Variants in RNF130 observed in about 807,000 individuals in gnomAD.
RNF130 encodes the protein E3 ubiquitin-protein ligase RNF130.
Under a neutral mutation model 44.6 loss-of-function variants are expected in RNF130, and 21 were observed. That is an observed-to-expected ratio of 0.47 (90% confidence interval 0.33 to 0.68). RNF130 has a LOEUF of 0.68. RNF130 is among the 30% of genes least tolerant of loss of function. The pLI is 0.02. For synonymous variants in RNF130, 214 were observed against 210.4 expected (o/e 1.02, Z -0.15); for missense variants, 479 against 560.6 (o/e 0.85, Z 1.47).
intron 7 of RNF130, among the ~76,000 whole-genome samples, chr5:179,945,509 A>G (rs999367827): frequency 2.0e-5 from 3 of 152,162 alleles, no homozygotes; most frequent in East Asian, 3.8e-4. Context: ...CATGTTTCCA[A>G]TCCTCACAGT....
chr5:179,969,900 AG>A (rs1383602299), intron 6 of RNF130, among the ~76,000 whole-genome samples: 2 of 152,172 alleles, frequency 1.3e-5, no homozygotes, highest in Non-Finnish European at 2.9e-5. Flanking sequence ...CTGAGGCAGG[AG>A]AATCGCTTGA....
At chr5:180,065,261 T>A (rs1765074953) in intron 1 of RNF130, among the ~76,000 whole-genome samples, 2 of 152,252 alleles carry the variant, frequency 1.3e-5, no homozygotes, top group Non-Finnish European at 2.9e-5. Flanking sequence ...CAATAATTTT[T>A]AAGAGAAATG....
intron 5 of RNF130, 146 bp downstream of exon 5, chr5:179,978,057 C>A: frequency 1.5e-6 from 1 of 677,840 alleles, no homozygotes; most frequent in East Asian, 2.7e-5. Flanking sequence ...GGCCTCAGCC[C>A]CATGGCCAGC....
At chr5:179,922,917 GA>G (rs1308323405) in intron 7 of RNF130, among the ~76,000 whole-genome samples, 5 of 150,718 alleles carry the variant, frequency 3.3e-5, no homozygotes, top group Non-Finnish European at 7.4e-5. Flanking sequence ...CTGTGCTACA[GA>G]AAAAAAAATA....
intron 2 of RNF130, among the ~76,000 whole-genome samples, chr5:180,016,398 C>T (rs1763732884): frequency 6.6e-6 from 1 of 152,088 alleles, no homozygotes; most frequent in Non-Finnish European, 1.5e-5. Flanking sequence ...GAGGCAGTGA[C>T]TGAAAAGAGT....
At chr5:179,922,536 C>A (rs1761649643) in intron 7 of RNF130, among the ~76,000 whole-genome samples, 1 of 151,732 alleles carries the variant, frequency 6.6e-6, no homozygotes, top group Middle Eastern at 3.4e-3. Flanking sequence ...TGGTCTCGAA[C>A]TCCTGAGCTC....
At chr5:179,989,552 A>AT (rs755071465) in intron 3 of RNF130, among the ~76,000 whole-genome samples, 2 of 152,116 alleles carry the variant, frequency 1.3e-5, no homozygotes, top group Non-Finnish European at 2.9e-5. Context: ...TTTATCTGGC[A>AT]TAAGAATAGC....
At chr5:179,964,811 A>G (rs2162760) in intron 7 of RNF130, among the ~76,000 whole-genome samples, 10,077 of 152,294 alleles carry the variant, frequency 0.066, 470 homozygotes, top group East Asian at 0.16. Context: ...GTAAACCCCT[A>G]TCTTTTAGAC....
chr5:179,989,080 G>C (rs987432978), intron 3 of RNF130, among the ~76,000 whole-genome samples: 1 of 152,196 alleles, frequency 6.6e-6, no homozygotes, highest in Non-Finnish European at 1.5e-5. Context: ...GAAGGCCTCA[G>C]GAAACTTACA....
chr5:179,992,545 A>G (rs1561683672), intron 3 of RNF130, among the ~76,000 whole-genome samples: 2 of 152,180 alleles, frequency 1.3e-5, no homozygotes, highest in South Asian at 2.1e-4. Context: ...ATCTTACTTG[A>G]CATTTTGAGG....
At chr5:179,921,535 T>C (rs781108696) in intron 7 of RNF130, among the ~76,000 whole-genome samples, 3 of 152,220 alleles carry the variant, frequency 2.0e-5, no homozygotes, top group African/African-American at 2.4e-5. Flanking sequence ...TGGTGGCTCA[T>C]GCCTGTAATC....
intron 3 of RNF130, among the ~76,000 whole-genome samples, chr5:179,982,460 C>A (rs143195750): frequency 6.6e-6 from 1 of 152,130 alleles, no homozygotes; most frequent in Non-Finnish European, 1.5e-5. Flanking sequence ...TAAGAGACTG[C>A]CAAAGTGTTT....
intron 2 of RNF130, among the ~76,000 whole-genome samples, chr5:180,030,300 T>C (rs1335718247): frequency 6.6e-6 from 1 of 152,206 alleles, no homozygotes; most frequent in African/African-American, 2.4e-5. Context: ...CTGAAACCTG[T>C]TTCAGTTTAA....
intron 5 of RNF130, among the ~76,000 whole-genome samples, chr5:179,976,123 C>T (rs75068914): frequency 5.3e-5 from 8 of 152,032 alleles, no homozygotes; most frequent in East Asian, 1.9e-4. Flanking sequence ...GAGTTCAGAG[C>T]GGCCTGGGCA....
chr5:179,939,171 C>T (rs1761939524), intron 7 of RNF130, among the ~76,000 whole-genome samples: 1 of 151,954 alleles, frequency 6.6e-6, no homozygotes. Flanking sequence ...GAGCTGAGGT[C>T]GCGCCACTGC....
intron 2 of RNF130, among the ~76,000 whole-genome samples, chr5:180,032,694 GC>G (rs555653311): frequency 6.6e-4 from 101 of 152,248 alleles, no homozygotes; most frequent in African/African-American, 2.3e-3. Flanking sequence ...TGATCTATAT[GC>G]CTGTCCTTCT....
intron 2 of RNF130, among the ~76,000 whole-genome samples, chr5:180,014,415 C>T (rs1763668158): frequency 1.3e-5 from 2 of 152,016 alleles, no homozygotes; most frequent in Non-Finnish European, 2.9e-5. Context: ...CCAGAGAGCC[C>T]CTGAGAGAGA....
chr5:180,011,331 T>C (rs1232448713), intron 3 of RNF130, among the ~76,000 whole-genome samples: 1 of 152,268 alleles, frequency 6.6e-6, no homozygotes, highest in African/African-American at 2.4e-5. Context: ...TAATGTATTA[T>C]ATCAATGTTA....
At chr5:180,000,979 T>A (rs907726495) in intron 3 of RNF130, among the ~76,000 whole-genome samples, 1 of 152,216 alleles carries the variant, frequency 6.6e-6, no homozygotes, top group Non-Finnish European at 1.5e-5. Context: ...TCTGTGCATC[T>A]GGTGGAACAA....
Sources: allele counts gnomAD v4.1 joint callset (sites outside exome capture counted in the v4.1 genomes callset), GRCh38; gene constraint gnomAD v4.1.1; transcripts MANE v1.5; gene names NCBI Gene and HGNC (gene_info 2026-07-23, HGNC 2026-07-21).